ADCK5: variants seen among roughly 807,000 people sequenced by gnomAD.
The protein encoded by ADCK5 is aarF domain containing kinase 5, also known as uncharacterized aarF domain-containing protein kinase 5.
Under a neutral mutation model 64.9 loss-of-function variants are expected in ADCK5, and 43 were observed. The ratio of observed to expected loss-of-function variants is 0.66; its 90% CI spans 0.52 to 0.85. The LOEUF (loss-of-function observed/expected upper bound fraction) is 0.85, where lower values mean the gene tolerates loss of function less well. Ranked by LOEUF, ADCK5 falls within the 40% of genes least tolerant of loss-of-function variation. The pLI is 0.00. For synonymous variants in ADCK5, 434 were observed against 342.8 expected (o/e 1.27, Z -2.94); for missense variants, 760 against 810.5 (o/e 0.94, Z 0.76).
In ADCK5 at chr8:144,374,107, G is replaced by A. The variant is rs1410806898; in HGVS notation, c.12G>A (p.Pro4=). 3 of 1,248,840 alleles carry A rather than the reference G, an allele frequency of 2.4e-6. No individual in the cohort carries two copies. Among genetic ancestry groups the A allele is most frequent in the Non-Finnish European group, 3.0e-6 (3 of 989,058 alleles). The allele number at this position is 1,248,840 out of a possible 1,614,324, so 77.4% of individuals were successfully genotyped here. Residue 4 remains proline, a splice_region_variant and synonymous_variant, in exon 1 of 15, where the codon CCG becomes CCA. Coordinates refer to ENST00000308860, the MANE Select transcript of ADCK5 (RefSeq NM_174922.5). MWR[P]VQLCHFHSAL... is the part of the protein sequence containing the mutation. ...AGCAGTGGTCGGAGATGTGGCGACC[G>A]GTGAGGACTCTCCCGGCCCGGGGCG...
At chr8:144,385,808 C>G (rs936955774) in intron 3 of ADCK5, among the ~76,000 whole-genome samples, 3 of 150,292 alleles carry the variant, frequency 2.0e-5, no homozygotes, top group Admixed American at 6.6e-5. Flanking sequence ...CTAAAAAATA[C>G]AAAAAATTAG....
At position 144,393,056 on chromosome 8, in the gene ADCK5, C is replaced by T. The variant is rs782753878; in HGVS notation, c.1725C>T (p.Tyr575=). Reference sequence around the variant, plus strand: ...TCGTGCCCCCAGCGGAGGAGCTCTACCAGTACCTGGAGACCTAGGGTGCAG... The same window carrying T: ...TCGTGCCCCCAGCGGAGGAGCTCTATCAGTACCTGGAGACCTAGGGTGCAG... ...LSLVPPAEEL[Y]QYLET The change falls in exon 15 of 15, where the codon TAC becomes TAT. Residue 575 remains tyrosine, a synonymous_variant. Coordinates refer to ENST00000308860, the MANE Select transcript of ADCK5 (RefSeq NM_174922.5). 68 of 1,583,486 alleles carry T rather than the reference C, an allele frequency of 4.3e-5. No homozygotes were observed. In the Middle Eastern group the frequency reaches 8.3e-4, roughly 19 times the overall value.
Position 144,383,245 on chromosome 8 carries a change from C to A in ADCK5, c.266+15C>A. 1.3e-6 allele frequency: 2 copies of A among 1,555,342 alleles called. No homozygotes were observed. The highest frequency in any genetic ancestry group is 2.4e-5 in the South Asian group (2 of 81,918). Reference sequence around the variant, plus strand: ...CGCTTTGGCAGGTAGGAGGGCCTGGCGGCAGGCAGGGGTTGCGGCGTGGCG... The same window carrying A: ...CGCTTTGGCAGGTAGGAGGGCCTGGAGGCAGGCAGGGGTTGCGGCGTGGCG... On this transcript the variant is annotated intron_variant, in intron 3 of 14. Coordinates refer to ENST00000308860, the MANE Select transcript of ADCK5 (RefSeq NM_174922.5).
At chr8:144,391,516 T>C in intron 7 of ADCK5, 42 bp downstream of exon 7, 1 of 1,589,958 alleles carries the variant, frequency 6.3e-7, no homozygotes, top group Non-Finnish European at 8.5e-7. Context: ...AGCAAACACG[T>C]AGGCAGAGCT....
intron 3 of ADCK5, among the ~76,000 whole-genome samples, chr8:144,386,126 G>A (rs936903268): frequency 1.0e-4 from 15 of 146,698 alleles, no homozygotes; most frequent in Non-Finnish European, 1.5e-4. Flanking sequence ...CTCATGCTTC[G>A]GCCTCCCGAG....
intron 14 of ADCK5, 33 bp from the exon 15 acceptor site, chr8:144,392,936 A>C (rs1178673867): frequency 1.9e-6 from 3 of 1,579,320 alleles, no homozygotes; most frequent in Non-Finnish European, 2.6e-6. Flanking sequence ...CCTGCTCCCC[A>C]CCCACCTGTG....
chr8:144,388,789 C>T (rs1490120451), intron 3 of ADCK5, among the ~76,000 whole-genome samples: 3 of 151,914 alleles, frequency 2.0e-5, no homozygotes, highest in African/African-American at 7.2e-5. Context: ...GAAACCGAAA[C>T]CCTGGCCTAA....
At position 144,392,810 on chromosome 8, in the gene ADCK5, A is replaced by C. The variant is rs1554861572; in HGVS notation, c.1555A>C (p.Thr519Pro). 6.3e-7 allele frequency: 1 copy of C among 1,592,586 alleles called. No homozygotes were observed. Residue 519 changes from threonine to proline, a missense_variant, in exon 14 of 15, where the codon ACG becomes CCG. This residue lies in a region of ADCK5 where 333 missense variants were observed against 292.0 expected (regional missense o/e 1.14). Coordinates refer to ENST00000308860, the MANE Select transcript of ADCK5 (RefSeq NM_174922.5). Reference protein sequence around the residue: ...VRGWSRLAGATYRGVYGTSLL... With the variant: ...VRGWSRLAGAPYRGVYGTSLL... ...GGGCTGGAGCCGCCTGGCGGGCGCCACGTATCGGGGTGTCTACGGCACCAG... is the reference window on the plus strand; with the variant it reads ...GGGCTGGAGCCGCCTGGCGGGCGCCCCGTATCGGGGTGTCTACGGCACCAG...
In ADCK5 at chr8:144,393,021, C is replaced by T. The variant is rs782291276; in HGVS notation, c.1690C>T (p.His564Tyr). 8 of 1,591,784 alleles carry T rather than the reference C, an allele frequency of 5.0e-6. No individual in the cohort carries two copies. The highest frequency in any genetic ancestry group is 2.3e-5 in the East Asian group (1 of 44,068). ...LTALLARALV[H>Y]LSLVPPAEEL... ...CGCCCTCCTGGCTCGTGCTCTGGTC[C>T]ACCTGAGCCTCGTGCCCCCAGCGGA... The change falls in exon 15 of 15, where the codon CAC becomes TAC. Residue 564 changes from histidine to tyrosine, a missense_variant. Transcript: ENST00000308860.
rs781932612 is a variant in ADCK5, at chr8:144,383,191, G to C, written c.227G>C (p.Arg76Thr). 6 of 1,600,860 alleles carry C rather than the reference G, an allele frequency of 3.7e-6. No homozygotes were observed. Among genetic ancestry groups the C allele is most frequent in the Non-Finnish European group, 4.3e-6 (5 of 1,173,112 alleles). ...YVMAEAREKR[R>T]MRLVVDGMGR... ...ATGGCAGAGGCACGGGAGAAGAGGAGGATGCGGCTCGTGGTGGATGGCATG... is the reference window on the plus strand; with the variant it reads ...ATGGCAGAGGCACGGGAGAAGAGGACGATGCGGCTCGTGGTGGATGGCATG... Residue 76 changes from arginine (R) to threonine (T), a missense_variant, in exon 3 of 15, where the codon AGG becomes ACG. By Grantham distance (71) the Arg-to-Thr change is moderately conservative. Coordinates refer to ENST00000308860, the MANE Select transcript of ADCK5 (RefSeq NM_174922.5).
intron 2 of ADCK5, among the ~76,000 whole-genome samples, chr8:144,381,837 G>A (rs868927591): frequency 9.6e-6 from 1 of 103,994 alleles, no homozygotes; most frequent in African/African-American, 3.8e-5. Flanking sequence ...GGCCCCTGCT[G>A]CACTCAGGAT....
intron 1 of ADCK5, among the ~76,000 whole-genome samples, chr8:144,374,384 T>C (rs1431240739): frequency 6.6e-6 from 1 of 151,468 alleles, no homozygotes. Flanking sequence ...TTTAGCAGAG[T>C]CGGGGTCTCG....
intron 3 of ADCK5, among the ~76,000 whole-genome samples, chr8:144,388,642 G>A (rs1181933441): frequency 3.3e-5 from 5 of 152,074 alleles, no homozygotes; most frequent in African/African-American, 4.8e-5. Context: ...TTGGGCGCCT[G>A]TAGTCCCAGC....
chr8:144,384,059 ATTAT>A lies in ADCK5; in HGVS notation c.266+853_266+856del, dbSNP rs539772134. Among the ~76,000 whole-genome samples the A allele has an allele frequency of 2.6e-3, 394 of 151,434 alleles. 1 individual carries two copies. Among genetic ancestry groups the A allele is most frequent in the African/African-American group, 9.0e-3 (373 of 41,258 alleles). On this transcript the variant is annotated intron_variant, in intron 3 of 14. Transcript: ENST00000308860. This position sits in a 1 kb window ranked among gnomAD's most constrained non-coding sequence, Gnocchi z 5.7. Reference sequence around the variant, plus strand: ...GGTGCCCACCACCATGCCTGGCTAAATTATTTATTTATTTATTTATTTATTTAGT... The same window carrying A: ...GGTGCCCACCACCATGCCTGGCTAAATTATTTATTTATTTATTTATTTAGT...
At position 144,392,314 on chromosome 8, in the gene ADCK5, G is replaced by A. The variant is rs1274236273; in HGVS notation, c.1236G>A (p.Met412Ile). ...TCATCCTGCGGGACGACGCCGCCAT[G>A]AGGGCGCACGCAGCCGCACTGGGGG... ...RAIILRDDAA[M>I]RAHAAALGVQ... Residue 412 changes from methionine to isoleucine, a missense_variant, in exon 12 of 15, where the codon ATG (methionine) becomes ATA (isoleucine). Met to Ile is a conservative substitution (Grantham distance 10). Around this residue, in one of 2 missense-constraint regions of ADCK5, gnomAD observed 333 missense variants for 292.0 expected, o/e 1.14. Coordinates refer to ENST00000308860, the MANE Select transcript of ADCK5 (RefSeq NM_174922.5). 2.2e-6 allele frequency: 3 copies of A among 1,376,580 alleles called. No individual in the cohort carries two copies. The highest frequency in any genetic ancestry group is 2.9e-6 in the Non-Finnish European group (3 of 1,033,090). 85.3% of individuals were successfully genotyped at this position (1,376,580 alleles called of 1,614,324 possible).
chr8:144,388,991 C>T (rs1554859826), intron 3 of ADCK5, among the ~76,000 whole-genome samples: 1 of 152,196 alleles, frequency 6.6e-6, no homozygotes, highest in Non-Finnish European at 1.5e-5. Context: ...TGGCCATGGC[C>T]AGCCTTGGAG....
At chr8:144,388,560 C>A (rs191931174) in intron 3 of ADCK5, among the ~76,000 whole-genome samples, 2 of 151,882 alleles carry the variant, frequency 1.3e-5, no homozygotes, top group East Asian at 1.9e-4. Flanking sequence ...GTCGGGAGAT[C>A]GAGACCATCC....
At chr8:144,387,297 C>G (rs1005823554) in intron 3 of ADCK5, among the ~76,000 whole-genome samples, 4 of 152,196 alleles carry the variant, frequency 2.6e-5, no homozygotes, top group Admixed American at 6.5e-5. Flanking sequence ...CTGCCGGGGG[C>G]ACATGATTTC....
chr8:144,390,653 G>C lies in ADCK5; in HGVS notation c.267-18G>C. On this transcript the variant is annotated intron_variant, in intron 3 of 14. Coordinates refer to ENST00000308860, the MANE Select transcript of ADCK5 (RefSeq NM_174922.5). ...CCGAGCCTGCCCCGCTGGAGACTGA[G>C]GCCACCTCTGCCCGCAGGTCTCTGA... The C allele has an allele frequency of 1.1e-5, 17 of 1,612,166 alleles. No individual in the cohort carries two copies. Among genetic ancestry groups the C allele is most frequent in the Non-Finnish European group, 1.4e-5 (16 of 1,179,432 alleles).
Sources: gnomAD v4.1 joint callset for allele counts (sites outside exome capture counted in the v4.1 genomes callset) on GRCh38, gnomAD v4.1.1 for gene constraint, gnomAD v4.1.1 regional missense constraint, Gnocchi (gnomAD v3.1) non-coding constraint, MANE v1.5 for transcripts, NCBI Gene and HGNC (gene_info 2026-07-23, HGNC 2026-07-21) for gene names.